Variants in PARP10 observed in about 807,000 individuals in gnomAD.
PARP10 encodes protein mono-ADP-ribosyltransferase PARP10.
A neutral mutation model predicts 82.4 loss-of-function variants in PARP10; 56 were observed. The ratio of observed to expected loss-of-function variants is 0.68; its 90% CI spans 0.55 to 0.85. The LOEUF is 0.85. PARP10 is among the 40% of genes least tolerant of loss of function. The pLI is 0.00. For synonymous variants in PARP10, 576 were observed against 601.1 expected (o/e 0.96, Z 0.61); for missense variants, 1,227 against 1,379.4 (o/e 0.89, Z 1.75).
upstream of PARP10, chr8:143,992,804 T>C: frequency 1.2e-6 from 2 of 1,613,822 alleles, no homozygotes; most frequent in Non-Finnish European, 8.5e-7. Context: ...AACATCTTCC[T>C]GTACATCCTC....
At chr8:143,989,454 G>A (rs1834052150), upstream of PARP10, 1 of 152,226 alleles carries the variant, frequency 6.6e-6, no homozygotes, top group Non-Finnish European at 1.5e-5. This position sits in a 1 kb window ranked among gnomAD's most constrained non-coding sequence, Gnocchi z 4.3. Flanking sequence ...AACTCCAAGA[G>A]TATAACTGGA....
intron 1 of PARP10, among the ~76,000 whole-genome samples, chr8:144,006,032 A>AG (rs1481820026): frequency 6.6e-6 from 1 of 152,192 alleles, no homozygotes; most frequent in African/African-American, 2.4e-5. Context: ...ACCCTCATTC[A>AG]GGCCTGTCAG....
chr8:144,008,570 G>A lies in PARP10; in HGVS notation c.-80+3960C>T, dbSNP rs1290054544. ...ACGGGCCGGGAGGAGCGCAAACCCC[G>A]AGTGCACCCCAGGAGGTTCCTGTCA... On this transcript the variant is annotated intron_variant, in intron 1 of 3. Coordinates refer to the PARP10 transcript ENST00000530478. The surrounding 1 kb of genome is among the most constrained non-coding windows in gnomAD (Gnocchi z 4.0). 6.6e-6 allele frequency among the ~76,000 whole-genome samples: 1 copy of A among 152,138 alleles called. No individual in the cohort carries two copies. Among genetic ancestry groups the A allele is most frequent in the South Asian group, 2.1e-4 (1 of 4,830 alleles).
chr8:143,980,332 A>AAC (rs1554747407), intron 9 of PARP10, among the ~76,000 whole-genome samples: 4 of 137,742 alleles, frequency 2.9e-5, no homozygotes, highest in Non-Finnish European at 6.0e-5. Flanking sequence ...AAAAAAAAAA[A>AAC]AAAAAAAAAA....
rs1312600185 is a variant in PARP10 at position 143,977,197 on chromosome 8, T to C, written c.*287A>G. 3 of 459,972 alleles carry C rather than the reference T, an allele frequency of 6.5e-6. No individual in the cohort carries two copies. Among genetic ancestry groups the C allele is most frequent in the African/African-American group, 2.1e-5 (1 of 48,332 alleles). The allele number at this position is 459,972 out of a possible 1,614,324, so 28.5% of individuals were successfully genotyped here. ...CCGCCTGGGTTCACGTTCACGTTTA[T>C]TCAAACAACAGAGCCGACTCGGGCG... On this transcript the variant is annotated 3_prime_UTR_variant, in exon 11 of 11. Transcript: ENST00000313028.
At position 143,985,407 on chromosome 8, in the gene PARP10, C is replaced by A; in HGVS notation, c.673+5G>T. The A allele has an allele frequency of 6.2e-7, 1 of 1,607,132 alleles. No homozygotes were observed. The highest frequency in any genetic ancestry group is 1.7e-5 in the Admixed American group (1 of 59,032). On this transcript the variant is annotated splice_donor_5th_base_variant and intron_variant, in intron 4 of 10. Coordinates refer to ENST00000313028, the MANE Select transcript of PARP10 (RefSeq NM_032789.5). ...GGTCGGCTGGGTCTGCCCAGCCCCACTCACCTTGCCACTGCTGGAAGGAGG... is the reference window on the plus strand; with the variant it reads ...GGTCGGCTGGGTCTGCCCAGCCCCAATCACCTTGCCACTGCTGGAAGGAGG...
chr8:143,978,663 G>A (rs1246223535), intron 9 of PARP10, among the ~76,000 whole-genome samples: 1 of 152,172 alleles, frequency 6.6e-6, no homozygotes, highest in Non-Finnish European at 1.5e-5. Flanking sequence ...TGAGGAAGTG[G>A]TTCAAACTGA....
Position 143,982,879 on chromosome 8 carries a change from T to C in PARP10, c.2556+53A>G, listed in dbSNP as rs539697329. On this transcript the variant is annotated intron_variant, in intron 9 of 10. Coordinates refer to ENST00000313028, the MANE Select transcript of PARP10 (RefSeq NM_032789.5). The stretch of plus-strand genomic sequence containing the variant: ...GGCCACAGACTTGGCAAGGCGCTAA[T>C]GGTGCAAGAGCCCAGGACGCCATGA... 3.2e-4 allele frequency: 517 copies of C among 1,599,672 alleles called. No homozygotes were observed. The African/African-American group carries it at 5.1e-3, about 16-fold the overall frequency.
intron 1 of PARP10, among the ~76,000 whole-genome samples, chr8:144,001,970 C>CT (rs1372810563): frequency 1.3e-5 from 2 of 150,586 alleles, no homozygotes; most frequent in African/African-American, 4.9e-5. Flanking sequence ...TATCAAAGTT[C>CT]TTACCCGTGG....
In PARP10 at chr8:143,986,136, G is replaced by C. The variant is rs782559418; in HGVS notation, c.100C>G (p.Arg34Gly). The C allele has an allele frequency of 2.5e-6, 4 of 1,613,900 alleles. No individual in the cohort carries two copies. The highest frequency in any genetic ancestry group is 1.6e-4 in the Middle Eastern group (1 of 6,080). Residue 34 changes from arginine (R) to glycine (G), a missense_variant, in exon 2 of 11, where the codon CGC becomes GGC. Transcript: ENST00000313028. ...ACAGGTCCCCCTCCAGAGCGTCGGC[G>C]GTTTTCAAAGTAGAGAGTGAGCAGC... The part of the protein sequence containing the change: ...DELLTLYFEN[R>G]RRSGGGPVLS...
At chr8:143,998,014 A>G (rs1474971511) in intron 1 of PARP10, among the ~76,000 whole-genome samples, 2 of 151,986 alleles carry the variant, frequency 1.3e-5, no homozygotes, top group Non-Finnish European at 2.9e-5. Context: ...GCTGTTCTCA[A>G]ACTCCTGGGT....
Position 143,985,265 on chromosome 8 carries a change from TG to T in PARP10, c.736del (p.His246ThrfsTer33). On this transcript the variant is annotated frameshift_variant, in exon 5 of 11. Coordinates refer to ENST00000313028, the MANE Select transcript of PARP10 (RefSeq NM_032789.5). LOFTEE classifies it high-confidence loss of function. ...LQGSELSLVP[H>X]YDILEPEELA... is the part of the protein sequence containing the mutation. ...CTCCTCGGGCTCCAGGATGTCGTAG[TG>T]GGGGACAAGGCTCAGCTCTGAGCCC... 6.2e-7 allele frequency: 1 copy of T among 1,613,816 alleles called. No individual in the cohort carries two copies. The highest frequency in any genetic ancestry group is 8.5e-7 in the Non-Finnish European group (1 of 1,179,914).
At chr8:143,991,463 A>G (rs1252571076), upstream of PARP10, 8 of 1,489,978 alleles carry the variant, frequency 5.4e-6, no homozygotes, top group Non-Finnish European at 7.1e-6. Flanking sequence ...GGGGCTACCC[A>G]CAGGGCCCCT....
upstream of PARP10, chr8:143,989,647 T>G (rs1158069956): frequency 6.6e-6 from 1 of 152,114 alleles, no homozygotes; most frequent in Non-Finnish European, 1.5e-5. This position sits in a 1 kb window ranked among gnomAD's most constrained non-coding sequence, Gnocchi z 4.3. Context: ...CTGGCAGAGT[T>G]TGGGCTGACA....
At chr8:143,991,822 C>T (rs371253578), upstream of PARP10, 193 of 1,608,642 alleles carry the variant, frequency 1.2e-4, no homozygotes, top group Non-Finnish European at 1.5e-4. Flanking sequence ...GGGGCATCTC[C>T]AAGGCGGTGG....
upstream of PARP10, among the ~76,000 whole-genome samples, chr8:143,987,677 G>A (rs1834014882): frequency 2.6e-5 from 4 of 152,168 alleles, no homozygotes; most frequent in South Asian, 8.3e-4. Context: ...TGGATCACGA[G>A]GTCAGGAGTT....
chr8:143,979,770 A>AC (rs1554747213), intron 9 of PARP10, among the ~76,000 whole-genome samples: 18 of 152,318 alleles, frequency 1.2e-4, no homozygotes, highest in African/African-American at 4.1e-4. Flanking sequence ...TCACGCCTGT[A>AC]ATCCCAGCAC....
At chr8:143,987,064 A>C (rs1221652115), upstream of PARP10, 1 of 153,118 alleles carries the variant, frequency 6.5e-6, no homozygotes, top group Non-Finnish European at 1.5e-5. Flanking sequence ...CATCATTGGC[A>C]TCGTCACAAG....
In PARP10 at chr8:143,984,104, C is replaced by T. The variant is rs199641585; in HGVS notation, c.1681G>A (p.Val561Met). The T allele has an allele frequency of 4.1e-5, 64 of 1,559,324 alleles. No homozygotes were observed. Among genetic ancestry groups the T allele is most frequent in the Non-Finnish European group, 3.1e-5 (36 of 1,151,488 alleles). Reference protein sequence around the residue: ...TATLDTGLEEVDPTEALPVLP... With the variant: ...TATLDTGLEEMDPTEALPVLP... The stretch of plus-strand genomic sequence containing the variant: ...ACTGGGAGGGCCTCGGTAGGGTCCA[C>T]CTGTAGGGAGAGGATGTCAGGACCA... The change falls in exon 7 of 11, where the codon GTG becomes ATG. Residue 561 changes from valine (V) to methionine (M), a missense_variant and splice_region_variant. Coordinates refer to ENST00000313028, the MANE Select transcript of PARP10 (RefSeq NM_032789.5).
Sources: gnomAD v4.1 joint callset for allele counts (sites outside exome capture counted in the v4.1 genomes callset) on GRCh38, gnomAD v4.1.1 for gene constraint, Gnocchi (gnomAD v3.1) non-coding constraint, MANE v1.5 for transcripts, NCBI Gene and HGNC (gene_info 2026-07-23, HGNC 2026-07-21) for gene names.